Variants in CLSTN2 observed in about 807,000 individuals in gnomAD.
CLSTN2 encodes calsyntenin-2.
A neutral mutation model predicts 101.2 loss-of-function variants in CLSTN2; 48 were observed. The ratio of observed to expected loss-of-function variants is 0.47; its 90% CI spans 0.38 to 0.60. The LOEUF (loss-of-function observed/expected upper bound fraction) is 0.60. Ranked by LOEUF, CLSTN2 falls within the 20% of genes least tolerant of loss-of-function variation. CLSTN2 has a pLI of 0.00. For missense variants in CLSTN2, 1,160 were observed against 1,238.2 expected (o/e 0.94, Z 0.95); for synonymous variants, 481 against 463.6 (o/e 1.04, Z -0.48).
intron 2 of CLSTN2, among the ~76,000 whole-genome samples, chr3:140,194,957 G>A (rs956829329): frequency 1.3e-5 from 2 of 152,220 alleles, no homozygotes; most frequent in Admixed American, 1.3e-4. Flanking sequence ...GGCCCCTCAT[G>A]TAGTCTATAG....
chr3:140,509,049 C>A (rs1299159598), intron 8 of CLSTN2, among the ~76,000 whole-genome samples: 1 of 152,006 alleles, frequency 6.6e-6, no homozygotes, highest in Non-Finnish European at 1.5e-5. Flanking sequence ...GGGAGACTGG[C>A]ATTTGCTGGA....
chr3:140,430,963 T>C (rs347332), intron 5 of CLSTN2, among the ~76,000 whole-genome samples: 61,532 of 152,002 alleles, frequency 0.4, 13,726 homozygotes, highest in East Asian at 0.66. Context: ...AAAAAGGGGA[T>C]TGAGAATTTC....
At chr3:140,037,589 G>A (rs1013702811) in intron 1 of CLSTN2, among the ~76,000 whole-genome samples, 5 of 150,708 alleles carry the variant, frequency 3.3e-5, no homozygotes, top group African/African-American at 1.2e-4. Context: ...TGGTAGTGCA[G>A]GTTTGTTACA....
chr3:140,250,482 T>C (rs946554380), intron 2 of CLSTN2, among the ~76,000 whole-genome samples: 2 of 152,206 alleles, frequency 1.3e-5, no homozygotes, highest in African/African-American at 4.8e-5. Flanking sequence ...TTCATGAAGT[T>C]TTCATAGGGA....
chr3:140,168,624 T>C (rs2010168771), intron 1 of CLSTN2, among the ~76,000 whole-genome samples: 1 of 152,140 alleles, frequency 6.6e-6, no homozygotes, highest in Non-Finnish European at 1.5e-5. Flanking sequence ...GGTTTTATAA[T>C]TTTGACTTCT....
chr3:140,198,734 T>C (rs1286141863), intron 2 of CLSTN2, among the ~76,000 whole-genome samples: 3 of 152,206 alleles, frequency 2.0e-5, no homozygotes, highest in Non-Finnish European at 1.5e-5. Context: ...ATTATGTAGG[T>C]ACTTAATCTA....
At chr3:140,104,043 T>C (rs750572854) in intron 1 of CLSTN2, among the ~76,000 whole-genome samples, 1 of 152,218 alleles carries the variant, frequency 6.6e-6, no homozygotes, top group Non-Finnish European at 1.5e-5. Context: ...AGATACTTGT[T>C]CACATTAAAG....
At chr3:140,391,369 G>A (rs114175579) in intron 2 of CLSTN2, among the ~76,000 whole-genome samples, 1,730 of 141,822 alleles carry the variant, frequency 0.012, 30 homozygotes, top group African/African-American at 0.044. Flanking sequence ...CTATTTGCGT[G>A]GGGGGGTGGG....
At chr3:140,196,509 G>A (rs2010645200) in intron 2 of CLSTN2, among the ~76,000 whole-genome samples, 1 of 152,244 alleles carries the variant, frequency 6.6e-6, no homozygotes, top group Non-Finnish European at 1.5e-5. Context: ...GGAGAAAGAA[G>A]TCAGGGATAT....
Position 140,459,624 on chromosome 3 carries a change from C to A in CLSTN2, c.1077C>A (p.Asp359Glu), listed in dbSNP as rs369133728. The change falls in exon 7 of 17, where the codon GAC becomes GAA. Residue 359 changes from aspartate to glutamate, a missense_variant. Physicochemically the swap from Asp to Glu is conservative, Grantham distance 45. Coordinates refer to ENST00000458420, the MANE Select transcript of CLSTN2 (RefSeq NM_022131.3). The stretch of plus-strand genomic sequence containing the variant: ...GCAGTGAGATGATCTTCAAGTTTGA[C>A]GGCAGGCAGGGTGCCAAAGTCCCCG... ...VDSSEMIFKF[D>E]GRQGAKVPDG... 1.4e-5 allele frequency: 22 copies of A among 1,614,024 alleles called. No individual in the cohort carries two copies. Among genetic ancestry groups the A allele is most frequent in the Non-Finnish European group, 1.6e-5 (19 of 1,180,004 alleles).
At chr3:140,397,800 C>T (rs79358186) in intron 2 of CLSTN2, among the ~76,000 whole-genome samples, 2,552 of 152,298 alleles carry the variant, frequency 0.017, 75 homozygotes, top group African/African-American at 0.058. Flanking sequence ...CATTAAAATC[C>T]ATAAAAGTTT....
At chr3:140,556,972 A>C in intron 11 of CLSTN2, 1 of 296,710 alleles carries the variant, frequency 3.4e-6, no homozygotes, top group Non-Finnish European at 6.4e-6. Context: ...GTGCGTTTGA[A>C]GTGTTCTGAT....
chr3:140,551,262 G>A (rs1935693780), intron 10 of CLSTN2, among the ~76,000 whole-genome samples: 1 of 152,112 alleles, frequency 6.6e-6, no homozygotes, highest in African/African-American at 2.4e-5. Flanking sequence ...CTGGTCGAGA[G>A]AATTGAGGCC....
chr3:140,419,495 AT>A lies in CLSTN2; in HGVS notation c.638-1629del, dbSNP rs201715109. Among the ~76,000 whole-genome samples, 106 of 51,530 alleles carry A rather than the reference AT, an allele frequency of 2.1e-3. 6 individuals are homozygous for A. The highest frequency in any genetic ancestry group is 0.023 in the Middle Eastern group (2 of 86). The allele number at this position is 51,530 out of a possible 152,430, so 33.8% of individuals were successfully genotyped here. On this transcript the variant is annotated intron_variant, in intron 4 of 16. Coordinates refer to ENST00000458420, the MANE Select transcript of CLSTN2 (RefSeq NM_022131.3). The stretch of plus-strand genomic sequence containing the variant: ...CAGACTCTGTCTCAAAAAAAAAAAA[AT>A]ATATATATATATATATACACACACA...
intron 1 of CLSTN2, among the ~76,000 whole-genome samples, chr3:139,959,741 GC>G (rs1301083395): frequency 1.3e-5 from 2 of 151,856 alleles, no homozygotes; most frequent in African/African-American, 4.8e-5. Context: ...AGCCAACCCC[GC>G]CCCCCTTTTT....
At chr3:140,383,768 G>C (rs760404631) in intron 2 of CLSTN2, among the ~76,000 whole-genome samples, 8 of 152,182 alleles carry the variant, frequency 5.3e-5, no homozygotes, top group Non-Finnish European at 1.0e-4. Flanking sequence ...AAAAGTAAGA[G>C]GTAGCATAAG....
intron 1 of CLSTN2, among the ~76,000 whole-genome samples, chr3:140,093,681 A>G (rs1052402712): frequency 1.3e-5 from 2 of 152,074 alleles, no homozygotes; most frequent in Non-Finnish European, 2.9e-5. Context: ...CTTCCACTCT[A>G]TCTCTCCCCT....
At chr3:140,071,255 G>T (rs982458150) in intron 1 of CLSTN2, among the ~76,000 whole-genome samples, 1 of 151,938 alleles carries the variant, frequency 6.6e-6, no homozygotes, top group East Asian at 1.9e-4. Context: ...AATACCTTCC[G>T]CATGCTTTCT....
intron 1 of CLSTN2, among the ~76,000 whole-genome samples, chr3:140,032,067 C>A (rs1056110661): frequency 6.6e-6 from 1 of 152,110 alleles, no homozygotes. Context: ...TGGGAAGGAC[C>A]CTTGACCTCC....
Sources: allele counts gnomAD v4.1 joint callset (sites outside exome capture counted in the v4.1 genomes callset), GRCh38; gene constraint gnomAD v4.1.1; transcripts MANE v1.5; gene names NCBI Gene and HGNC (gene_info 2026-07-23, HGNC 2026-07-21).